Variants in ITFG2 observed in about 807,000 individuals in gnomAD.
The protein encoded by ITFG2 is KICSTOR complex protein ITFG2.
In ITFG2, 36 loss-of-function variants were observed where a neutral mutation model predicts 54.4. The observed-to-expected ratio is 0.66, with a 90% CI of 0.51 to 0.87. The LOEUF (loss-of-function observed/expected upper bound fraction) is 0.87, where lower values mean the gene tolerates loss of function less well. ITFG2 is among the 40% of genes least tolerant of loss of function. The probability of loss-of-function intolerance (pLI) is 0.00; values close to 1 mark genes in which losing one functional copy is unlikely to be tolerated. For synonymous variants in ITFG2, 211 were observed against 225.4 expected (o/e 0.94, Z 0.57); for missense variants, 524 against 576.7 (o/e 0.91, Z 0.94).
At chr12:2,854,866 G>A in intron 2 of ITFG2, 1 of 1,512,054 alleles carries the variant, frequency 6.6e-7, no homozygotes, top group Non-Finnish European at 8.8e-7. Context: ...GGGCAGGCTG[G>A]GTGGGCTCCC....
chr12:2,837,583 G>A (rs1157428818), intron 1 of ITFG2, among the ~76,000 whole-genome samples: 1 of 152,100 alleles, frequency 6.6e-6, no homozygotes, highest in African/African-American at 2.4e-5. Flanking sequence ...GTTGCAGTGA[G>A]ACAAGATTGT....
At chr12:2,839,524 A>G (rs1235560104) in intron 1 of ITFG2, among the ~76,000 whole-genome samples, 1 of 152,222 alleles carries the variant, frequency 6.6e-6, no homozygotes, top group Non-Finnish European at 1.5e-5. Flanking sequence ...AGTGATAAAT[A>G]TGGCTCCTTC....
At chr12:2,830,998 G>T, downstream of ITFG2, 1 of 804,602 alleles carries the variant, frequency 1.2e-6, no homozygotes. Context: ...TTTACCCTAG[G>T]GTCCCAGATA....
At chr12:2,839,556 A>G (rs560545321) in intron 1 of ITFG2, among the ~76,000 whole-genome samples, 106 of 152,228 alleles carry the variant, frequency 7.0e-4, no homozygotes, top group Non-Finnish European at 1.4e-3. Flanking sequence ...TCTTCTATGA[A>G]TGAAGTTTTT....
chr12:2,834,759 G>A (rs116017926), upstream of ITFG2: 8,907 of 1,613,868 alleles, frequency 5.5e-3, 435 homozygotes, highest in African/African-American at 0.11. Flanking sequence ...GGTGGGCTCG[G>A]TCTCGAAGCT....
rs942989883 is a variant in ITFG2, at chr12:2,848,708, A to G, written n.300+7713A>G. On this transcript the variant is annotated intron_variant and non_coding_transcript_variant, in intron 2 of 3. Coordinates refer to the ITFG2 transcript ENST00000537710. ...AGCTGTGTCTGGTCTTTGTCCAGACATCAAATGGTCCAGGGAGGGGGTGGC... is the reference window on the plus strand; with the variant it reads ...AGCTGTGTCTGGTCTTTGTCCAGACGTCAAATGGTCCAGGGAGGGGGTGGC... Among the ~76,000 whole-genome samples the G allele has an allele frequency of 9.2e-5, 14 of 152,206 alleles. 1 individual carries two copies. The highest frequency in any genetic ancestry group is 9.2e-4 in the Admixed American group (14 of 15,284).
chr12:2,828,606 G>A (rs774704404), downstream of ITFG2, among the ~76,000 whole-genome samples: 4 of 152,196 alleles, frequency 2.6e-5, no homozygotes, highest in South Asian at 2.1e-4. Flanking sequence ...TTGGAAGGCC[G>A]AGGCGGGTGG....
downstream of ITFG2, chr12:2,826,179 C>T (rs2153925445): frequency 6.6e-6 from 1 of 151,280 alleles, no homozygotes; most frequent in East Asian, 1.9e-4. Flanking sequence ...AAAAAAGCCT[C>T]TGTCTCCTGA....
intron 9 of ITFG2, among the ~76,000 whole-genome samples, 197 bp downstream of exon 9, chr12:2,821,989 C>T (rs935589490): frequency 2.0e-5 from 3 of 148,934 alleles, no homozygotes; most frequent in Admixed American, 6.7e-5. Context: ...AGTGCAGTGG[C>T]ATGATCTTGG....
chr12:2,850,862 G>A (rs2098068127), intron 2 of ITFG2, among the ~76,000 whole-genome samples: 1 of 151,482 alleles, frequency 6.6e-6, no homozygotes, highest in Non-Finnish European at 1.5e-5. Context: ...AGTAGAGATG[G>A]GGTTTCCCCA....
At chr12:2,855,513 C>T (rs565616786) in intron 2 of ITFG2, 4 of 1,252,340 alleles carry the variant, frequency 3.2e-6, no homozygotes, top group African/African-American at 1.5e-5. Flanking sequence ...GTGGGTGAGG[C>T]ACTCCGCTCT....
chr12:2,849,626 C>A, intron 2 of ITFG2: 1 of 1,348,912 alleles, frequency 7.4e-7, no homozygotes, highest in Non-Finnish European at 1.0e-6. Flanking sequence ...TGTCCACAAG[C>A]TAGTTAGCCA....
chr12:2,820,790 T>G lies in ITFG2; in HGVS notation c.613T>G (p.Cys205Gly). 1 of 1,614,078 alleles carries G rather than the reference T, an allele frequency of 6.2e-7. No homozygotes were observed. Among genetic ancestry groups the G allele is most frequent in the Non-Finnish European group, 8.5e-7 (1 of 1,179,986 alleles). The change falls in exon 6 of 12, where the codon TGT (cysteine) becomes GGT (glycine). Residue 205 changes from cysteine (C) to glycine (G), a missense_variant. By Grantham distance (159) the Cys-to-Gly change is radical (BLOSUM62 -3). Coordinates refer to ENST00000228799, the MANE Select transcript of ITFG2 (RefSeq NM_018463.4). ...LPELMVSQPG[C>G]AYAILLCTWK... Reference sequence around the variant, plus strand: ...TGAACTGATGGTGTCTCAGCCAGGTTGTGCGTATGCAATTCTACTGTGTAC... The same window carrying G: ...TGAACTGATGGTGTCTCAGCCAGGTGGTGCGTATGCAATTCTACTGTGTAC...
downstream of ITFG2, chr12:2,828,030 A>G (rs200104814): frequency 3.1e-6 from 5 of 1,613,846 alleles, no homozygotes. Context: ...TGAGGCTTTT[A>G]GGACCCTTTT....
At position 2,830,668 on chromosome 12, in the gene ITFG2, A is replaced by G. The variant is rs748292400; in HGVS notation, c.*60-166A>G. The stretch of plus-strand genomic sequence containing the variant: ...GAGAGCAGGTGAAGTGAGTGCAGGC[A>G]GGGTTGTTAATGAAAGTGTGTCCCT... On this transcript the variant is annotated intron_variant and NMD_transcript_variant, in intron 2 of 2. Transcript: ENST00000538822. The G allele has an allele frequency of 3.8e-6, 6 of 1,580,084 alleles. No homozygotes were observed. The East Asian group carries it at 1.4e-4, about 36-fold the overall frequency.
At chr12:2,827,089 G>T (rs1458065387), downstream of ITFG2, 2 of 1,535,330 alleles carry the variant, frequency 1.3e-6, no homozygotes, top group Non-Finnish European at 1.7e-6. This position sits in a 1 kb window ranked among gnomAD's most constrained non-coding sequence, Gnocchi z 4.0. Flanking sequence ...GGTCAGGGAG[G>T]TGATTGGAAG....
intron 2 of ITFG2, chr12:2,857,091 A>C: frequency 1.4e-6 from 1 of 701,828 alleles, no homozygotes; most frequent in South Asian, 1.5e-5. Context: ...ACCATTGTTT[A>C]CTCCTGGGGT....
intron 3 of ITFG2, chr12:2,858,560 C>T (rs1038734962): frequency 1.5e-6 from 2 of 1,308,728 alleles, no homozygotes; most frequent in Non-Finnish European, 2.1e-6. Context: ...GCTGTCCTCA[C>T]TCAGAGGCTT....
chr12:2,827,709 G>A (rs2097975625), downstream of ITFG2: 1 of 1,613,610 alleles, frequency 6.2e-7, no homozygotes, highest in Non-Finnish European at 8.5e-7. This position sits in a 1 kb window ranked among gnomAD's most constrained non-coding sequence, Gnocchi z 4.0. Context: ...AGAAGAGGCT[G>A]AGGGTTCCCA....
Sources: gnomAD v4.1 joint callset for allele counts (sites outside exome capture counted in the v4.1 genomes callset) on GRCh38, gnomAD v4.1.1 for gene constraint, Gnocchi (gnomAD v3.1) non-coding constraint, MANE v1.5 for transcripts, NCBI Gene and HGNC (gene_info 2026-07-23, HGNC 2026-07-21) for gene names.